WWOX: variants seen among roughly 807,000 people sequenced by gnomAD.
The protein encoded by WWOX is WW domain containing oxidoreductase.
A neutral mutation model predicts 46.2 loss-of-function variants in WWOX; 69 were observed. That is an observed-to-expected ratio of 1.49 (90% confidence interval 1.23 to 1.82). WWOX has a LOEUF of 1.82. Among genes scored for constraint, WWOX ranks in the 40% most tolerant of loss-of-function variants. The pLI, the probability that WWOX is intolerant of heterozygous loss-of-function variation, is 0.00. For missense variants in WWOX, 919 were observed against 542.6 expected (o/e 1.69, Z -6.89); for synonymous variants, 359 against 202.6 (o/e 1.77, Z -6.56).
At chr16:78,955,323 C>T (rs1402091806) in intron 8 of WWOX, among the ~76,000 whole-genome samples, 1 of 152,170 alleles carries the variant, frequency 6.6e-6, no homozygotes, top group African/African-American at 2.4e-5. Flanking sequence ...ACAACAACGT[C>T]AGTGAAATCC....
chr16:78,771,060 A>G (rs1278006686), intron 8 of WWOX, among the ~76,000 whole-genome samples: 2 of 152,236 alleles, frequency 1.3e-5, no homozygotes, highest in African/African-American at 4.8e-5. Flanking sequence ...AAAGGCCCTC[A>G]GGTCAGCCGG....
rs566232440 is a variant in WWOX, at chr16:78,113,742, T to C, written c.231-1234T>C. 2.4e-3 allele frequency among the ~76,000 whole-genome samples: 373 copies of C among 152,298 alleles called. 2 individuals carry two copies. Among genetic ancestry groups the C allele is most frequent in the African/African-American group, 8.5e-3 (352 of 41,556 alleles). ...GGGAAGAGATAGTCACGTTTGGCTCTTGTAAGCCAGTTTGAGCCAGTCTAG... is the reference window on the plus strand; with the variant it reads ...GGGAAGAGATAGTCACGTTTGGCTCCTGTAAGCCAGTTTGAGCCAGTCTAG... On this transcript the variant is annotated intron_variant, in intron 3 of 8. Coordinates refer to ENST00000566780, the MANE Select transcript of WWOX (RefSeq NM_016373.4).
intron 8 of WWOX, among the ~76,000 whole-genome samples, chr16:78,843,347 C>T (rs2052211172): frequency 6.7e-6 from 1 of 150,094 alleles, no homozygotes. Context: ...GTGCCATGTC[C>T]AACCCAATCT....
intron 8 of WWOX, among the ~76,000 whole-genome samples, chr16:78,664,203 G>A (rs2047279347): frequency 6.6e-6 from 1 of 152,182 alleles, no homozygotes; most frequent in South Asian, 2.1e-4. Flanking sequence ...GATGGATTCA[G>A]GAAACATGAC....
At chr16:79,066,062 G>C (rs76970573) in intron 8 of WWOX, among the ~76,000 whole-genome samples, 14,631 of 152,054 alleles carry the variant, frequency 0.096, 752 homozygotes, top group Middle Eastern at 0.15. Flanking sequence ...TTTGATAATC[G>C]CAGCCTCCAG....
At chr16:78,772,569 G>T (rs529596815) in intron 8 of WWOX, among the ~76,000 whole-genome samples, 192 of 152,234 alleles carry the variant, frequency 1.3e-3, no homozygotes, top group African/African-American at 4.5e-3. Flanking sequence ...CCTTTTGTAG[G>T]TAACAAATAC....
rs1337910188 is a variant in WWOX at position 78,324,985 on chromosome 16, A to C, written c.517-61875A>C. On this transcript the variant is annotated intron_variant, in intron 5 of 8. Transcript: ENST00000566780. ...AGTGTCAATTAATCTTTGCTCCCAG[A>C]GAAAACCACTCAGGGCCCGAGCTGC... Among the ~76,000 whole-genome samples, 4 of 152,352 alleles carry C rather than the reference A, an allele frequency of 2.6e-5. No individual in the cohort carries two copies. In the East Asian group the frequency reaches 7.7e-4, roughly 29 times the overall value.
At chr16:79,090,423 C>T (rs1012437782) in intron 8 of WWOX, among the ~76,000 whole-genome samples, 1 of 152,076 alleles carries the variant, frequency 6.6e-6, no homozygotes, top group Admixed American at 6.6e-5. Flanking sequence ...GGAGGGCCCT[C>T]TATGTGCAAT....
chr16:78,937,949 A>C (rs2045775999), intron 8 of WWOX, among the ~76,000 whole-genome samples: 1 of 152,240 alleles, frequency 6.6e-6, no homozygotes, highest in East Asian at 1.9e-4. Context: ...TAATGTGCCA[A>C]GGTCTGTGTT....
intron 8 of WWOX, among the ~76,000 whole-genome samples, chr16:78,433,741 C>A (rs1017833894): frequency 6.6e-6 from 1 of 151,698 alleles, no homozygotes; most frequent in African/African-American, 2.4e-5. Flanking sequence ...ACACTCATTC[C>A]CACCTGCCAC....
At chr16:78,951,278 G>C (rs2046054259) in intron 8 of WWOX, among the ~76,000 whole-genome samples, 1 of 152,168 alleles carries the variant, frequency 6.6e-6, no homozygotes, top group African/African-American at 2.4e-5. Flanking sequence ...GACATGGCCA[G>C]CATGCGCCCA....
At chr16:78,693,746 A>G (rs745597155) in intron 8 of WWOX, among the ~76,000 whole-genome samples, 1 of 152,288 alleles carries the variant, frequency 6.6e-6, no homozygotes, top group East Asian at 1.9e-4. Flanking sequence ...ACAGAGAACT[A>G]TGCAGCTCTA....
intron 8 of WWOX, among the ~76,000 whole-genome samples, chr16:78,693,987 C>T (rs944053775): frequency 2.0e-5 from 3 of 152,142 alleles, no homozygotes; most frequent in African/African-American, 4.8e-5. Context: ...AATCCCAGCA[C>T]TTTAGGAGGC....
chr16:78,541,124 C>T (rs1251497690), intron 8 of WWOX, among the ~76,000 whole-genome samples: 3 of 152,084 alleles, frequency 2.0e-5, no homozygotes, highest in African/African-American at 4.8e-5. Flanking sequence ...TTATTTTAAA[C>T]GTGAAAAGCA....
At chr16:78,570,539 C>T in intron 8 of WWOX, among the ~76,000 whole-genome samples, 1 of 151,946 alleles carries the variant, frequency 6.6e-6, no homozygotes, top group South Asian at 2.1e-4. Context: ...GTCTCATATG[C>T]CTGGACTCAA....
intron 8 of WWOX, among the ~76,000 whole-genome samples, chr16:78,914,774 G>C (rs920544311): frequency 2.0e-5 from 3 of 151,780 alleles, no homozygotes; most frequent in Non-Finnish European, 4.4e-5. Flanking sequence ...AGCTACTCTG[G>C]AGGCTGAGGC....
At chr16:78,168,351 A>G (rs1175239068) in intron 5 of WWOX, 1 of 152,118 alleles carries the variant, frequency 6.6e-6, no homozygotes, top group Non-Finnish European at 1.5e-5. Context: ...GACAGCTAAC[A>G]GCCCCCATTT....
intron 8 of WWOX, among the ~76,000 whole-genome samples, chr16:79,119,227 CAA>C (rs2049578992): frequency 6.6e-6 from 1 of 151,350 alleles, no homozygotes; most frequent in African/African-American, 2.4e-5. Context: ...GATAAACAAA[CAA>C]ATGGTGTGTT....
chr16:78,874,758 C>T (rs898801697), intron 8 of WWOX, among the ~76,000 whole-genome samples: 4 of 129,256 alleles, frequency 3.1e-5, no homozygotes, highest in South Asian at 2.7e-4. Flanking sequence ...AGAACATCTA[C>T]TCAACTGTTC....
Sources: gnomAD v4.1 joint callset for allele counts (sites outside exome capture counted in the v4.1 genomes callset) on GRCh38, gnomAD v4.1.1 for gene constraint, MANE v1.5 for transcripts, NCBI Gene and HGNC (gene_info 2026-07-23, HGNC 2026-07-21) for gene names.